Variants in ITGB5 observed in about 807,000 individuals in gnomAD.
The protein encoded by ITGB5 is integrin subunit beta 5.
In ITGB5, 38 loss-of-function variants were observed where a neutral mutation model predicts 84.8. The ratio of observed to expected loss-of-function variants is 0.45; its 90% CI spans 0.35 to 0.59. The LOEUF (loss-of-function observed/expected upper bound fraction) is 0.59. Among genes scored for constraint, ITGB5 ranks in the 20% least tolerant of loss-of-function variants. The probability of loss-of-function intolerance (pLI) is 0.01; values close to 1 mark genes in which losing one functional copy is unlikely to be tolerated. For synonymous variants in ITGB5, 393 were observed against 414.4 expected (o/e 0.95, Z 0.63); for missense variants, 905 against 1,034.5 (o/e 0.87, Z 1.72).
At chr3:124,778,075 C>T (rs2063950638) in intron 10 of ITGB5, among the ~76,000 whole-genome samples, 2 of 152,212 alleles carry the variant, frequency 1.3e-5, no homozygotes, top group African/African-American at 2.4e-5. Context: ...CAGGACTCTT[C>T]ATCAAAACAA....
chr3:124,854,484 C>T (rs1176611048), intron 3 of ITGB5, among the ~76,000 whole-genome samples: 2 of 152,098 alleles, frequency 1.3e-5, no homozygotes, highest in East Asian at 3.9e-4. Flanking sequence ...AAACATGTTG[C>T]TAAGTGAAAG....
intron 4 of ITGB5, 91 bp downstream of exon 4, chr3:124,848,218 G>T: frequency 6.8e-7 from 1 of 1,476,022 alleles, no homozygotes; most frequent in Non-Finnish European, 9.3e-7. Flanking sequence ...TCCTAACCAT[G>T]CCTTCCTTAA....
At chr3:124,816,130 G>C (rs1579241855) in intron 8 of ITGB5, among the ~76,000 whole-genome samples, 1 of 152,226 alleles carries the variant, frequency 6.6e-6, no homozygotes, top group East Asian at 1.9e-4. Context: ...GGAAGAAAGG[G>C]GGTAAAAACA....
At chr3:124,876,772 G>A (rs903449894) in intron 1 of ITGB5, among the ~76,000 whole-genome samples, 1 of 152,150 alleles carries the variant, frequency 6.6e-6, no homozygotes, top group Non-Finnish European at 1.5e-5. Flanking sequence ...ATCTGAGGCT[G>A]CTGGGACCCA....
chr3:124,774,896 C>G (rs1055750662), intron 10 of ITGB5, among the ~76,000 whole-genome samples: 1 of 152,116 alleles, frequency 6.6e-6, no homozygotes, highest in Non-Finnish European at 1.5e-5. Flanking sequence ...GCATTATTGT[C>G]CTTGTTATAT....
At chr3:124,804,454 G>A (rs904466435) in intron 9 of ITGB5, among the ~76,000 whole-genome samples, 31 of 152,102 alleles carry the variant, frequency 2.0e-4, no homozygotes, top group African/African-American at 6.0e-4. Context: ...AGGCTGAGGC[G>A]GGAGGATTGC....
At chr3:124,811,447 A>G (rs1389127976) in intron 8 of ITGB5, among the ~76,000 whole-genome samples, 1 of 152,242 alleles carries the variant, frequency 6.6e-6, no homozygotes, top group East Asian at 1.9e-4. Flanking sequence ...AGAGCTGAAG[A>G]GTGAAGGCAT....
At position 124,848,552 on chromosome 3, in the gene ITGB5, T is replaced by A. The variant is rs28372859; in HGVS notation, c.368A>T (p.Lys123Met). 2.4e-5 allele frequency: 39 copies of A among 1,611,106 alleles called. No homozygotes were observed. The East Asian group carries it at 8.5e-4, about 35-fold the overall frequency. The change falls in exon 4 of 15, where the codon AAG (lysine) becomes ATG (methionine). Residue 123 changes from lysine (K) to methionine (M), a missense_variant. By Grantham distance (95) the Lys-to-Met change is moderately conservative. This residue lies in a region of ITGB5 where 656 missense variants were observed against 734.7 expected (regional missense o/e 0.89). Coordinates refer to ENST00000296181, the MANE Select transcript of ITGB5 (RefSeq NM_002213.5). Reference protein sequence around the residue: ...EIAVNLRPGDKTTFQLQVRQV... With the variant: ...EIAVNLRPGDMTTFQLQVRQV... ...GCGAACCTGTAGCTGGAAGGTGGTC[T>A]TGTCACCTGCACCAACAGAGAGGCC...
chr3:124,872,015 A>G (rs982091010), intron 2 of ITGB5, among the ~76,000 whole-genome samples: 7 of 152,052 alleles, frequency 4.6e-5, no homozygotes, highest in Non-Finnish European at 8.8e-5. Flanking sequence ...AGGTCAGACA[A>G]GAGATGATGG....
chr3:124,859,860 ATCGCTTGAGATCAAGAG>A (rs2065272777), intron 2 of ITGB5, among the ~76,000 whole-genome samples: 1 of 152,186 alleles, frequency 6.6e-6, no homozygotes, highest in African/African-American at 2.4e-5. Flanking sequence ...AGGTGGGAGG[ATCGCTTGAGATCAAGAG>A]TTTGAGACCA....
chr3:124,824,290 ATCTAGTC>A (rs2064751718), intron 5 of ITGB5, among the ~76,000 whole-genome samples: 1 of 152,238 alleles, frequency 6.6e-6, no homozygotes, highest in Non-Finnish European at 1.5e-5. Context: ...ATCCACACAT[ATCTAGTC>A]AATTCAGCAG....
At chr3:124,829,941 G>C (rs1182509839) in intron 5 of ITGB5, among the ~76,000 whole-genome samples, 2 of 152,180 alleles carry the variant, frequency 1.3e-5, no homozygotes, top group Non-Finnish European at 2.9e-5. Flanking sequence ...TCCATGAAAA[G>C]GGGAAGCAGG....
At chr3:124,820,282 T>A (rs976012071) in intron 6 of ITGB5, among the ~76,000 whole-genome samples, 3 of 152,174 alleles carry the variant, frequency 2.0e-5, no homozygotes, top group Admixed American at 6.5e-5. Flanking sequence ...TGCCTAAAGC[T>A]TAGGTCTGCC....
intron 1 of ITGB5, among the ~76,000 whole-genome samples, chr3:124,882,375 C>A (rs1050888952): frequency 1.3e-5 from 2 of 152,192 alleles, no homozygotes; most frequent in Non-Finnish European, 2.9e-5. Flanking sequence ...GAGGAGGTTG[C>A]AGCTTTAGCT....
At chr3:124,796,843 T>C (rs759709483) in intron 9 of ITGB5, 26 bp from the exon 10 acceptor site, 1 of 1,564,886 alleles carries the variant, frequency 6.4e-7, no homozygotes, top group South Asian at 1.2e-5. Flanking sequence ...AGAAGGGATA[T>C]CATGGCTGCG....
At chr3:124,835,328 A>T (rs1332031176) in intron 5 of ITGB5, among the ~76,000 whole-genome samples, 1 of 152,234 alleles carries the variant, frequency 6.6e-6, no homozygotes, top group Admixed American at 6.5e-5. Flanking sequence ...CTCAGAGACC[A>T]AAACAGTAGA....
At chr3:124,858,654 G>T (rs974251618) in intron 3 of ITGB5, among the ~76,000 whole-genome samples, 1 of 152,172 alleles carries the variant, frequency 6.6e-6, no homozygotes, top group Non-Finnish European at 1.5e-5. Flanking sequence ...GACAAATATT[G>T]GATGATTCCA....
intron 10 of ITGB5, among the ~76,000 whole-genome samples, chr3:124,783,381 G>A (rs746758258): frequency 1.3e-5 from 2 of 151,794 alleles, no homozygotes; most frequent in Non-Finnish European, 2.9e-5. Context: ...GTTAAGAGAC[G>A]TAGGTATAGA....
intron 2 of ITGB5, among the ~76,000 whole-genome samples, chr3:124,868,610 T>C (rs1181925744): frequency 8.0e-6 from 1 of 124,552 alleles, no homozygotes. Flanking sequence ...GTGAGACCTG[T>C]TCTCTACCAA....
Sources: gnomAD v4.1 joint callset for allele counts (sites outside exome capture counted in the v4.1 genomes callset) on GRCh38, gnomAD v4.1.1 for gene constraint, gnomAD v4.1.1 regional missense constraint, MANE v1.5 for transcripts, NCBI Gene and HGNC (gene_info 2026-07-23, HGNC 2026-07-21) for gene names.